TOP1: variants seen among roughly 807,000 people sequenced by gnomAD.
TOP1 encodes the protein DNA topoisomerase 1.
Under a neutral mutation model 111.1 loss-of-function variants are expected in TOP1, and 10 were observed. The observed-to-expected ratio is 0.09, with a 90% CI of 0.06 to 0.15. The LOEUF (loss-of-function observed/expected upper bound fraction) is 0.15, where lower values mean the gene tolerates loss of function less well. Ranked by LOEUF, TOP1 falls within the 10% of genes least tolerant of loss-of-function variation. The pLI is 1.00. For missense variants in TOP1, 474 were observed against 926.7 expected (o/e 0.51, Z 6.34); for synonymous variants, 271 against 302.9 (o/e 0.89, Z 1.10).
At chr20:41,068,756 C>T (rs376029027) in intron 3 of TOP1, among the ~76,000 whole-genome samples, 1 of 152,244 alleles carries the variant, frequency 6.6e-6, no homozygotes, top group Admixed American at 6.5e-5. Flanking sequence ...CAAGGAATTA[C>T]GTAGCTTGTA....
rs979867086 is a variant in TOP1, at chr20:41,116,669, T to C, written c.1822+277T>C. Reference sequence around the variant, plus strand: ...TGCCTGCATTTGTGTTTTATACATATATTACTTAAAAGCCCACAGAGTGAA... The same window carrying C: ...TGCCTGCATTTGTGTTTTATACATACATTACTTAAAAGCCCACAGAGTGAA... On this transcript the variant is annotated intron_variant, in intron 17 of 20. Transcript: ENST00000361337. The surrounding 1 kb of genome is among the most constrained non-coding windows in gnomAD (Gnocchi z 5.6). Among the ~76,000 whole-genome samples the C allele has an allele frequency of 1.1e-4, 17 of 152,230 alleles. No individual in the cohort carries two copies. Among genetic ancestry groups the C allele is most frequent in the African/African-American group, 3.9e-4 (16 of 41,458 alleles).
Position 41,115,528 on chromosome 20 carries a change from G to C in TOP1, c.1707+89G>C. The stretch of plus-strand genomic sequence containing the variant: ...GGAGGGTTGCTGGCAGATGACTTGG[G>C]CTCTCCCTTTAGCCTGGCCTGCTCT... On this transcript the variant is annotated intron_variant, in intron 16 of 20. Transcript: ENST00000361337. This position sits in a 1 kb window ranked among gnomAD's most constrained non-coding sequence, Gnocchi z 6.3. 1 of 999,646 alleles carries C rather than the reference G, an allele frequency of 1.0e-6. No homozygotes were observed. Among genetic ancestry groups the C allele is most frequent in the South Asian group, 1.3e-5 (1 of 77,470 alleles). The allele number at this position is 999,646 out of a possible 1,614,324, so 61.9% of individuals were successfully genotyped here. A position where few individuals can be genotyped will look rare whatever the true frequency, so the allele number is the denominator to read the frequency against.
rs766711293 is a variant in TOP1 at position 41,121,831 on chromosome 20, A to T, written c.2045+41A>T. 1.3e-6 allele frequency: 2 copies of T among 1,598,242 alleles called. No individual in the cohort carries two copies. The highest frequency in any genetic ancestry group is 1.1e-5 in the South Asian group (1 of 90,716). On this transcript the variant is annotated intron_variant, in intron 19 of 20. Transcript: ENST00000361337. The surrounding 1 kb of genome is among the most constrained non-coding windows in gnomAD (Gnocchi z 4.2). ...TGTGAAAGTTGGGGCTGGTAGAGAA[A>T]AGTGTGCAGCATCTGTCAGGGCCCC...
chr20:41,092,649 T>A lies in TOP1; in HGVS notation c.730+62T>A. ...AAAGAAATCTGCTTCTATTTAGGGA[T>A]AGAAAACAAGGAAGGATCCTATGTA... On this transcript the variant is annotated intron_variant, in intron 9 of 20. Coordinates refer to ENST00000361337, the MANE Select transcript of TOP1 (RefSeq NM_003286.4). This position sits in a 1 kb window ranked among gnomAD's most constrained non-coding sequence, Gnocchi z 4.3. 1.2e-6 allele frequency: 1 copy of A among 804,558 alleles called. No homozygotes were observed. Among genetic ancestry groups the A allele is most frequent in the Non-Finnish European group, 2.0e-6 (1 of 496,828 alleles). 49.8% of individuals were successfully genotyped at this position (804,558 alleles called of 1,614,324 possible).
Position 41,029,289 on chromosome 20 carries a change from A to G in TOP1, c.34-142A>G, listed in dbSNP as rs370493912. The G allele has an allele frequency of 8.2e-4, 665 of 810,240 alleles. 3 individuals are homozygous for G. The highest frequency in any genetic ancestry group is 6.4e-3 in the African/African-American group (355 of 55,276). The allele number at this position is 810,240 out of a possible 1,614,324, so 50.2% of individuals were successfully genotyped here. ...GGGCCGCGAAGTTACAGTTCGAGGCAGGGATGGCTGCCCTCTGTGGCCACC... is the reference window on the plus strand; with the variant it reads ...GGGCCGCGAAGTTACAGTTCGAGGCGGGGATGGCTGCCCTCTGTGGCCACC... On this transcript the variant is annotated intron_variant, in intron 1 of 20. Coordinates refer to ENST00000361337, the MANE Select transcript of TOP1 (RefSeq NM_003286.4). The surrounding 1 kb of genome is among the most constrained non-coding windows in gnomAD (Gnocchi z 6.1).
In TOP1 at chr20:41,095,630, C is replaced by T. The variant is rs2033972331; in HGVS notation, c.731-1590C>T. 6.6e-6 allele frequency among the ~76,000 whole-genome samples: 1 copy of T among 152,134 alleles called. No homozygotes were observed. The highest frequency in any genetic ancestry group is 1.5e-5 in the Non-Finnish European group (1 of 68,032). On this transcript the variant is annotated intron_variant, in intron 9 of 20. Transcript: ENST00000361337. The surrounding 1 kb of genome is among the most constrained non-coding windows in gnomAD (Gnocchi z 4.6). Reference sequence around the variant, plus strand: ...CTATTATAACTGTTTCAATATTGTGCTACAGTTCTCTACACCCCTGCAAAG... The same window carrying T: ...CTATTATAACTGTTTCAATATTGTGTTACAGTTCTCTACACCCCTGCAAAG...
At position 41,118,169 on chromosome 20, in the gene TOP1, C is replaced by A. The variant is rs1482508929; in HGVS notation, c.1823C>A (p.Pro608Gln). 1 of 1,612,976 alleles carries A rather than the reference C, an allele frequency of 6.2e-7. No homozygotes were observed. Among genetic ancestry groups the A allele is most frequent in the South Asian group, 1.1e-5 (1 of 90,994 alleles). ...LQQQLKELTA[P>Q]DENIPAKILS... is the part of the protein sequence containing the mutation. ...TGCTACCATGTTCCTTTCTTTACAG[C>A]GGATGAGAACATCCCAGCGAAGATC... Residue 608 changes from proline to glutamine, a missense_variant and splice_region_variant, in exon 18 of 21, where the codon CCG becomes CAG. This residue lies in a region of TOP1 where 18 missense variants were observed against 20.5 expected (regional missense o/e 0.88). Transcript: ENST00000361337. The surrounding 1 kb of genome is among the most constrained non-coding windows in gnomAD (Gnocchi z 4.6).
At chr20:41,066,536 C>T (rs1176271002) in intron 3 of TOP1, among the ~76,000 whole-genome samples, 1 of 148,858 alleles carries the variant, frequency 6.7e-6, no homozygotes. Context: ...GTTGTATGTA[C>T]TTTTGTGCCT....
At chr20:41,044,793 TGAGA>T (rs138421052) in intron 2 of TOP1, among the ~76,000 whole-genome samples, 2 of 149,590 alleles carry the variant, frequency 1.3e-5, no homozygotes, top group African/African-American at 2.4e-5. Context: ...TGTGTGTGAG[TGAGA>T]GAGAGAGAGA....
rs78068832 is a variant in TOP1 at position 41,107,085 on chromosome 20, C to T, written c.1309-5697C>T. The stretch of plus-strand genomic sequence containing the variant: ...TTAGTGAAGACCCAACAGTGGCACT[C>T]ACTCACCTTTGTTTACCTGAAAATT... On this transcript the variant is annotated intron_variant, in intron 13 of 20. Transcript: ENST00000361337. Among the ~76,000 whole-genome samples, 689 of 152,216 alleles carry T rather than the reference C, an allele frequency of 4.5e-3. 8 individuals are homozygous for T. Among genetic ancestry groups the T allele is most frequent in the African/African-American group, 0.016 (652 of 41,558 alleles).
intron 8 of TOP1, 125 bp downstream of exon 8, chr20:41,084,693 A>G: frequency 1.7e-6 from 1 of 594,766 alleles, no homozygotes; most frequent in Non-Finnish European, 2.9e-6. Flanking sequence ...CAATTTCTCT[A>G]GAGTAACTTT....
intron 3 of TOP1, among the ~76,000 whole-genome samples, chr20:41,066,159 A>G (rs2033603921): frequency 6.6e-6 from 1 of 152,118 alleles, no homozygotes; most frequent in Non-Finnish European, 1.5e-5. Context: ...AACACATTCT[A>G]CTTTGTTTTG....
chr20:41,081,033 C>T (rs540437400), intron 6 of TOP1, 132 bp from the exon 7 acceptor site: 559 of 683,512 alleles, frequency 8.2e-4, no homozygotes, highest in Non-Finnish European at 1.2e-3. Context: ...TAGTCTTGAC[C>T]GTAGAATGCC....
intron 3 of TOP1, among the ~76,000 whole-genome samples, chr20:41,075,437 C>T (rs2033715656): frequency 6.6e-6 from 1 of 152,240 alleles, no homozygotes; most frequent in Non-Finnish European, 1.5e-5. Context: ...TTCCAAAGTG[C>T]TGGGATTACA....
intron 18 of TOP1, among the ~76,000 whole-genome samples, chr20:41,119,380 T>C (rs900183758): frequency 6.6e-6 from 1 of 152,220 alleles, no homozygotes; most frequent in Non-Finnish European, 1.5e-5. Context: ...TTTGGGAGGT[T>C]GAGGTGGGAG....
At chr20:41,035,252 C>A (rs1208688139) in intron 2 of TOP1, among the ~76,000 whole-genome samples, 1 of 152,102 alleles carries the variant, frequency 6.6e-6, no homozygotes, top group Non-Finnish European at 1.5e-5. Flanking sequence ...ACTCACTTAC[C>A]TGTCTGCTAA....
In TOP1 at chr20:41,110,940, C is replaced by T. The variant is rs887223379; in HGVS notation, c.1309-1842C>T. Reference sequence around the variant, plus strand: ...GCTTCTGCCTCCACCTCCATCTCAGCTTATTTGAGAGAATCCTAGATCCTT... The same window carrying T: ...GCTTCTGCCTCCACCTCCATCTCAGTTTATTTGAGAGAATCCTAGATCCTT... On this transcript the variant is annotated intron_variant, in intron 13 of 20. Transcript: ENST00000361337. The surrounding 1 kb of genome is among the most constrained non-coding windows in gnomAD (Gnocchi z 4.2). 1.3e-5 allele frequency among the ~76,000 whole-genome samples: 2 copies of T among 152,214 alleles called. No individual in the cohort carries two copies. The highest frequency in any genetic ancestry group is 2.4e-5 in the African/African-American group (1 of 41,456).
intron 2 of TOP1, among the ~76,000 whole-genome samples, chr20:41,055,627 C>G (rs2033460753): frequency 6.6e-6 from 1 of 152,148 alleles, no homozygotes; most frequent in Non-Finnish European, 1.5e-5. Flanking sequence ...TGCCAAGGCC[C>G]CTTGTTCCCC....
rs534494026 is a variant in TOP1, at chr20:41,035,091, C to T, written c.58+5636C>T. ...TTTTTGTAGAGACGAGGTTTCTCGC[C>T]ATGTTGCCCAGGCTGGTCTTGAACC... is the stretch of plus-strand genomic sequence containing the variant. On this transcript the variant is annotated intron_variant, in intron 2 of 20. Transcript: ENST00000361337. Among the ~76,000 whole-genome samples the T allele has an allele frequency of 3.5e-4, 54 of 152,140 alleles. 1 individual carries two copies. The South Asian group carries it at 0.011, about 31-fold the overall frequency.
Sources: allele counts gnomAD v4.1 joint callset (sites outside exome capture counted in the v4.1 genomes callset), GRCh38; gene constraint gnomAD v4.1.1; regional missense constraint gnomAD v4.1.1; non-coding constraint Gnocchi (gnomAD v3.1); transcripts MANE v1.5; gene names NCBI Gene and HGNC (gene_info 2026-07-23, HGNC 2026-07-21).